The following ZNF727 variants were observed in gnomAD, a reference collection of about 807,000 sequenced individuals.
ZNF727 encodes the protein zinc finger protein 727.
ZNF727 carries 11 observed loss-of-function variants against 11.5 expected under a neutral mutation model. That is an observed-to-expected ratio of 0.95 (90% confidence interval 0.60 to 1.58). The LOEUF is 1.58. Among genes scored for constraint, ZNF727 ranks in the 40% most tolerant of loss-of-function variants. The pLI is 0.00. For missense variants in ZNF727, 533 were observed against 581.7 expected (o/e 0.92, Z 0.86); for synonymous variants, 171 against 196.1 (o/e 0.87, Z 1.07).
In ZNF727 at chr7:64,077,954, A is replaced by G. The variant is rs1287788026; in HGVS notation, c.905A>G (p.His302Arg). Residue 302 changes from histidine to arginine, a missense_variant, in exon 4 of 4, where the codon CAT becomes CGT. Physicochemically the swap from His to Arg is conservative, Grantham distance 29. Transcript: ENST00000456806. ...AFRCCSDLTK[H>R]KRIHTGEKPY... ...AGGTGTTGCTCAGACCTTACTAAAC[A>G]TAAGAGAATTCATACTGGAGAGAAA... 4 of 1,592,278 alleles carry G rather than the reference A, an allele frequency of 2.5e-6. No homozygotes were observed. Among genetic ancestry groups the G allele is most frequent in the African/African-American group, 1.3e-5 (1 of 74,122 alleles).
chr7:64,050,776 ATGTGTGTGTGTGTGTGTG>A (rs10609208), intron 1 of ZNF727, among the ~76,000 whole-genome samples: 29 of 148,464 alleles, frequency 2.0e-4, no homozygotes, highest in African/African-American at 6.9e-4. Flanking sequence ...ATGCATATGT[ATGTGTGTGTGTGTGTGTG>A]TGTGTGTGTG....
chr7:64,050,973 A>G (rs1304129942), intron 1 of ZNF727, among the ~76,000 whole-genome samples: 1 of 152,174 alleles, frequency 6.6e-6, no homozygotes, highest in Non-Finnish European at 1.5e-5. Context: ...TGGAGATGGG[A>G]CATTTTTGTT....
chr7:64,052,342 T>G (rs187869248), intron 1 of ZNF727, among the ~76,000 whole-genome samples: 2 of 151,434 alleles, frequency 1.3e-5, no homozygotes, highest in African/African-American at 4.8e-5. Context: ...ATCTGATGGT[T>G]TTTTAAACAG....
intron 1 of ZNF727, among the ~76,000 whole-genome samples, chr7:64,058,493 C>A (rs1256651491): frequency 1.3e-5 from 2 of 152,084 alleles, no homozygotes; most frequent in South Asian, 4.1e-4. Context: ...TAGACTTATC[C>A]CTGTCCCCAG....
At chr7:64,045,870 T>A (rs1789496258) in intron 1 of ZNF727, among the ~76,000 whole-genome samples, 1 of 152,162 alleles carries the variant, frequency 6.6e-6, no homozygotes, top group Non-Finnish European at 1.5e-5. Flanking sequence ...TGGGCAGCTC[T>A]GTGTCGCAAT....
At chr7:64,053,423 C>T (rs991138066) in intron 1 of ZNF727, among the ~76,000 whole-genome samples, 1 of 152,092 alleles carries the variant, frequency 6.6e-6, no homozygotes, top group African/African-American at 2.4e-5. Flanking sequence ...TGGGTTCAAG[C>T]GATTCTCCTG....
chr7:64,064,305 G>A (rs749215185), intron 1 of ZNF727, among the ~76,000 whole-genome samples: 1 of 152,120 alleles, frequency 6.6e-6, no homozygotes, highest in Non-Finnish European at 1.5e-5. Context: ...CAAGGTCGAA[G>A]GTGATGAATC....
chr7:64,068,884 T>G lies in ZNF727; in HGVS notation c.4-7T>G, dbSNP rs1459463355. 1.3e-6 allele frequency: 2 copies of G among 1,581,484 alleles called. No individual in the cohort carries two copies. Among genetic ancestry groups the G allele is most frequent in the South Asian group, 2.3e-5 (2 of 87,676 alleles). ...TGGTCACTTGGTAAATATGTTTTGT[T>G]TTTCAGCGAGTGCTAACATTCAGGG... On this transcript the variant is annotated splice_polypyrimidine_tract_variant and splice_region_variant and intron_variant, in intron 1 of 3. Transcript: ENST00000456806.
Position 64,078,654 on chromosome 7 carries a change from T to C in ZNF727, c.*105T>C. The C allele has an allele frequency of 7.4e-7, 1 of 1,359,344 alleles. No individual in the cohort carries two copies. Among genetic ancestry groups the C allele is most frequent in the Non-Finnish European group, 1.0e-6 (1 of 956,550 alleles). The allele number at this position is 1,359,344 out of a possible 1,614,324, so 84.2% of individuals were successfully genotyped here. ...GAGAATTCATACTGGAGAGAAACCCTACATTTGTGAAGAATGTGGCAAAGC... is the reference window on the plus strand; with the variant it reads ...GAGAATTCATACTGGAGAGAAACCCCACATTTGTGAAGAATGTGGCAAAGC... On this transcript the variant is annotated 3_prime_UTR_variant, in exon 4 of 4. Coordinates refer to ENST00000456806, the MANE Select transcript of ZNF727 (RefSeq NM_001159522.3).
At chr7:64,047,816 G>C (rs1481721193) in intron 1 of ZNF727, among the ~76,000 whole-genome samples, 2 of 152,204 alleles carry the variant, frequency 1.3e-5, no homozygotes, top group African/African-American at 4.8e-5. Flanking sequence ...TCAGGTGCTG[G>C]TATTGAGGGA....
In ZNF727 at chr7:64,069,616, G is replaced by A. The variant is rs1432646566; in HGVS notation, c.226+7G>A. On this transcript the variant is annotated splice_region_variant and intron_variant, in intron 3 of 3. Transcript: ENST00000456806. ...ACAGTAGCCAAACACCCAGGTAGGT[G>A]GGAGTGAGTGAAGCAAATGACATAA... The A allele has an allele frequency of 6.4e-7, 1 of 1,550,844 alleles. No individual in the cohort carries two copies. Among genetic ancestry groups the A allele is most frequent in the East Asian group, 2.4e-5 (1 of 41,800 alleles).
In ZNF727 at chr7:64,082,413, A is replaced by G. The variant is rs578144375; in HGVS notation, c.*3864A>G. ...TCCAGTACCTGACAACATTATCACC[A>G]GTGAATACTGTAAAACAGCAACAAT... On this transcript the variant is annotated 3_prime_UTR_variant, in exon 4 of 4. Transcript: ENST00000456806. 6.6e-6 allele frequency among the ~76,000 whole-genome samples: 1 copy of G among 152,346 alleles called. No individual in the cohort carries two copies. Among genetic ancestry groups the G allele is most frequent in the Non-Finnish European group, 1.5e-5 (1 of 68,038 alleles).
chr7:64,065,166 G>A (rs1197428049), intron 1 of ZNF727, among the ~76,000 whole-genome samples: 1 of 152,142 alleles, frequency 6.6e-6, no homozygotes, highest in African/African-American at 2.4e-5. Context: ...AGTGCCACAT[G>A]TGAGGCTAAG....
At chr7:64,066,426 A>G (rs188897781) in intron 1 of ZNF727, among the ~76,000 whole-genome samples, 6 of 152,324 alleles carry the variant, frequency 3.9e-5, no homozygotes, top group African/African-American at 1.4e-4. Flanking sequence ...AGTAACCAAA[A>G]CAGCATGGTA....
intron 1 of ZNF727, among the ~76,000 whole-genome samples, chr7:64,058,212 G>A (rs1395791584): frequency 6.6e-6 from 1 of 152,128 alleles, no homozygotes; most frequent in Non-Finnish European, 1.5e-5. Context: ...TTCTGCTCTA[G>A]TGCACACAGA....
rs543261408 is a variant in ZNF727, at chr7:64,048,716, A to G, written c.3+3092A>G. Among the ~76,000 whole-genome samples, 78 of 152,344 alleles carry G rather than the reference A, an allele frequency of 5.1e-4. 1 individual carries two copies. Among genetic ancestry groups the G allele is most frequent in the South Asian group, 1.2e-3 (6 of 4,830 alleles). ...TAGCTTTTTTTGTTTTTAAGCTGCA[A>G]TGGATGCAACAATTTTATCAGTAAT... On this transcript the variant is annotated intron_variant, in intron 1 of 3. Transcript: ENST00000456806.
At position 64,082,081 on chromosome 7, in the gene ZNF727, C is replaced by T. The variant is rs1371527188; in HGVS notation, c.*3532C>T. On this transcript the variant is annotated 3_prime_UTR_variant, in exon 4 of 4. Transcript: ENST00000456806. Reference sequence around the variant, plus strand: ...CTCTCTCCTTGGGTAAACTACAGCTCGTTTGAGGTGTGAATAAGGCACTTA... The same window carrying T: ...CTCTCTCCTTGGGTAAACTACAGCTTGTTTGAGGTGTGAATAAGGCACTTA... 1.3e-5 allele frequency among the ~76,000 whole-genome samples: 2 copies of T among 151,988 alleles called. No individual in the cohort carries two copies. Among genetic ancestry groups the T allele is most frequent in the Admixed American group, 6.5e-5 (1 of 15,268 alleles).
At position 64,068,978 on chromosome 7, in the gene ZNF727, G is replaced by A; in HGVS notation, c.91G>A (p.Asp31Asn). 6.2e-7 allele frequency: 1 copy of A among 1,606,170 alleles called. No individual in the cohort carries two copies. The highest frequency in any genetic ancestry group is 8.5e-7 in the Non-Finnish European group (1 of 1,175,758). Residue 31 changes from aspartate (D) to asparagine (N), a missense_variant, in exon 2 of 4, where the codon GAT (aspartate) becomes AAT (asparagine). Around this residue, in one of 3 missense-constraint regions of ZNF727, gnomAD observed 463 missense variants for 494.5 expected, o/e 0.94. Transcript: ENST00000456806. ...LDSAQQRLYR[D>N]VMLENYGNLF... is the part of the protein sequence containing the mutation. The stretch of plus-strand genomic sequence containing the variant: ...CTCTGCTCAGCAGCGTTTGTATAGG[G>A]ATGTGATGTTAGAGAACTACGGAAA...
At chr7:64,055,239 A>C (rs1315054427) in intron 1 of ZNF727, among the ~76,000 whole-genome samples, 1 of 152,000 alleles carries the variant, frequency 6.6e-6, no homozygotes, top group African/African-American at 2.4e-5. Flanking sequence ...CAATATGGTG[A>C]AACTCCATAT....
Sources: allele counts gnomAD v4.1 joint callset (sites outside exome capture counted in the v4.1 genomes callset), GRCh38; gene constraint gnomAD v4.1.1; regional missense constraint gnomAD v4.1.1; transcripts MANE v1.5; gene names NCBI Gene and HGNC (gene_info 2026-07-23, HGNC 2026-07-21).